The following RRM2 variants were observed in gnomAD, a reference collection of about 807,000 sequenced individuals.
RRM2 encodes ribonucleoside-diphosphate reductase subunit M2.
A neutral mutation model predicts 45.9 loss-of-function variants in RRM2; 6 were observed. The observed-to-expected ratio is 0.13, with a 90% CI of 0.07 to 0.26. RRM2 has a LOEUF of 0.26. RRM2 is among the 10% of genes least tolerant of loss of function. RRM2 has a pLI of 1.00. For synonymous variants in RRM2, 177 were observed against 173.0 expected (o/e 1.02, Z -0.18); for missense variants, 343 against 489.5 (o/e 0.70, Z 2.82).
rs185993380 is a variant in RRM2 at position 10,148,021 on chromosome 2, G to A, written n.482+5646G>A. Among the ~76,000 whole-genome samples the A allele has an allele frequency of 3.2e-3, 480 of 152,064 alleles. 7 individuals carry two copies. The highest frequency in any genetic ancestry group is 0.022 in the Admixed American group (329 of 15,268). ...TAGCCAGGCGTAGTGGCAGGCGCCT[G>A]TAATCCCAGCTACTCCAGAGGCTGA... On this transcript the variant is annotated intron_variant and non_coding_transcript_variant, in intron 3 of 3. Coordinates refer to the RRM2 transcript ENST00000381786.
At position 10,171,396 on chromosome 2, in the gene RRM2, G is replaced by A. The variant is rs1366537010; in HGVS notation, n.482+29021G>A. On this transcript the variant is annotated intron_variant and non_coding_transcript_variant, in intron 3 of 3. Transcript: ENST00000381786. This position sits in a 1 kb window ranked among gnomAD's most constrained non-coding sequence, Gnocchi z 4.1. Reference sequence around the variant, plus strand: ...GAAACTGTCGGGTTTGGCTGCTGCTGTTGTCTGCATCTCCCGCCTTCCTCC... The same window carrying A: ...GAAACTGTCGGGTTTGGCTGCTGCTATTGTCTGCATCTCCCGCCTTCCTCC... 2.0e-5 allele frequency among the ~76,000 whole-genome samples: 3 copies of A among 152,256 alleles called. No homozygotes were observed. Among genetic ancestry groups the A allele is most frequent in the Non-Finnish European group, 4.4e-5 (3 of 68,046 alleles).
In RRM2 at chr2:10,126,887, C is replaced by T. The variant is rs760494607; in HGVS notation, c.582C>T (p.Phe194=). ...ATGTGCCTACTAGGGAATTTCTCTTCAATGCCATTGAAACGATGCCTTGTG... is the reference window on the plus strand; with the variant it reads ...ATGTGCCTACTAGGGAATTTCTCTTTAATGCCATTGAAACGATGCCTTGTG... ...IKDPKEREFL[F]NAIETMPCVK... is the part of the protein sequence containing the mutation. The change falls in exon 6 of 10, where the codon TTC becomes TTT. Residue 194 remains phenylalanine (F), a synonymous_variant. Transcript: ENST00000304567. The T allele has an allele frequency of 3.1e-6, 5 of 1,613,618 alleles. No individual in the cohort carries two copies. Among genetic ancestry groups the T allele is most frequent in the Non-Finnish European group, 4.2e-6 (5 of 1,179,860 alleles).
chr2:10,123,556 C>A, intron 3 of RRM2, 26 bp downstream of exon 3: 1 of 1,590,036 alleles, frequency 6.3e-7, no homozygotes, highest in Non-Finnish European at 8.6e-7. Context: ...CAGAAGACCC[C>A]TGCAGGGGTG....
At chr2:10,174,308 A>G (rs1663868293) in intron 3 of RRM2, among the ~76,000 whole-genome samples, 1 of 152,040 alleles carries the variant, frequency 6.6e-6, no homozygotes, top group South Asian at 2.1e-4. Flanking sequence ...GCTTGGGGAG[A>G]AGCAGAATTT....
intron 5 of RRM2, among the ~76,000 whole-genome samples, chr2:10,125,132 T>A (rs1049961222): frequency 6.6e-6 from 1 of 152,230 alleles, no homozygotes; most frequent in Admixed American, 6.5e-5. Flanking sequence ...CTAAAACCTA[T>A]GTCTGACCAT....
At position 10,129,474 on chromosome 2, in the gene RRM2, C is replaced by T. The variant is rs1407301205; in HGVS notation, c.*88C>T. ...CTGAAGTGTTACCAACTAGCCACAC[C>T]ATGAATTGTCCGTAATGTTCATTAA... On this transcript the variant is annotated 3_prime_UTR_variant, in exon 10 of 10. Transcript: ENST00000304567. The surrounding 1 kb of genome is among the most constrained non-coding windows in gnomAD (Gnocchi z 4.8). 2.3e-6 allele frequency: 3 copies of T among 1,308,680 alleles called. No homozygotes were observed. Among genetic ancestry groups the T allele is most frequent in the Non-Finnish European group, 2.1e-6 (2 of 940,062 alleles). The allele number at this position is 1,308,680 out of a possible 1,614,324, so 81.1% of individuals were successfully genotyped here. A position where few individuals can be genotyped will look rare whatever the true frequency, so the allele number is the denominator to read the frequency against.
chr2:10,165,163 C>A (rs1393282450), intron 3 of RRM2, among the ~76,000 whole-genome samples: 1 of 152,172 alleles, frequency 6.6e-6, no homozygotes, highest in Non-Finnish European at 1.5e-5. Flanking sequence ...GTTGCCCAGG[C>A]TGTTCTCAAA....
chr2:10,155,765 A>C (rs1663409385), intron 3 of RRM2: 1 of 152,276 alleles, frequency 6.6e-6, no homozygotes, highest in Non-Finnish European at 1.5e-5. Context: ...GATTTCCTCC[A>C]GAACAGTGGC....
At chr2:10,160,673 C>T (rs997335866) in intron 3 of RRM2, among the ~76,000 whole-genome samples, 6 of 152,246 alleles carry the variant, frequency 3.9e-5, no homozygotes, top group African/African-American at 1.2e-4. Context: ...AGACCACCCC[C>T]GCCTGCCAGA....
chr2:10,210,949 G>T (rs1664751424), exon 4 of RRM2: 1 of 205,042 alleles, frequency 4.9e-6, no homozygotes, highest in African/African-American at 2.3e-5. Flanking sequence ...CCGGCACCTT[G>T]CTGTGAGATT....
At chr2:10,187,150 AC>A (rs1221945243) in intron 3 of RRM2, among the ~76,000 whole-genome samples, 3 of 151,996 alleles carry the variant, frequency 2.0e-5, no homozygotes, top group African/African-American at 7.3e-5. Flanking sequence ...ACAAGGAATG[AC>A]CCAGGGGCTG....
chr2:10,123,992 T>C (rs1558379345), intron 4 of RRM2, 140 bp downstream of exon 4: 1 of 675,384 alleles, frequency 1.5e-6, no homozygotes, highest in Non-Finnish European at 2.6e-6. Context: ...TGGCATTTCC[T>C]GTTTTGTAAC....
chr2:10,161,813 GA>G (rs1663564614), intron 3 of RRM2, among the ~76,000 whole-genome samples: 1 of 152,238 alleles, frequency 6.6e-6, no homozygotes, highest in Admixed American at 6.5e-5. Flanking sequence ...CTGATTCAGA[GA>G]GGCTAAGGGG....
chr2:10,178,337 C>T (rs1241436578), intron 3 of RRM2, among the ~76,000 whole-genome samples: 1 of 151,924 alleles, frequency 6.6e-6, no homozygotes, highest in East Asian at 1.9e-4. Context: ...ATTCTCCCGC[C>T]TCAGCCTCCC....
intron 3 of RRM2, among the ~76,000 whole-genome samples, chr2:10,197,781 C>T (rs1340521274): frequency 6.6e-6 from 1 of 152,182 alleles, no homozygotes; most frequent in Non-Finnish European, 1.5e-5. Context: ...TGCTGTCCTG[C>T]TTGTCCCATC....
chr2:10,126,578 C>G (rs1662783958), intron 5 of RRM2: 1 of 318,982 alleles, frequency 3.1e-6, no homozygotes, highest in African/African-American at 2.1e-5. Flanking sequence ...TTAAAGGCAA[C>G]AAATGTCCCT....
At chr2:10,180,819 T>C (rs971951469) in intron 3 of RRM2, among the ~76,000 whole-genome samples, 2 of 152,124 alleles carry the variant, frequency 1.3e-5, no homozygotes, top group Admixed American at 1.3e-4. Context: ...TAGGCTGGAG[T>C]GCAGTGGCAT....
At chr2:10,143,474 C>T (rs888525052) in intron 3 of RRM2, among the ~76,000 whole-genome samples, 1 of 152,220 alleles carries the variant, frequency 6.6e-6, no homozygotes, top group East Asian at 1.9e-4. Flanking sequence ...GGGTCCGTGT[C>T]CTCCGGTGTG....
intron 3 of RRM2, among the ~76,000 whole-genome samples, chr2:10,163,495 G>A (rs1309717886): frequency 6.6e-6 from 1 of 152,208 alleles, no homozygotes; most frequent in Non-Finnish European, 1.5e-5. Context: ...GTGAGGGTTG[G>A]TTGTGTGATC....
Sources: gnomAD v4.1 joint callset for allele counts (sites outside exome capture counted in the v4.1 genomes callset) on GRCh38, gnomAD v4.1.1 for gene constraint, Gnocchi (gnomAD v3.1) non-coding constraint, MANE v1.5 for transcripts, NCBI Gene and HGNC (gene_info 2026-07-23, HGNC 2026-07-21) for gene names.